Variants in TCF12 observed in about 807,000 individuals in gnomAD.
TCF12 encodes transcription factor 12.
In TCF12, 45 loss-of-function variants were observed where a neutral mutation model predicts 86.0. That is an observed-to-expected ratio of 0.52 (90% CI 0.41 to 0.67). TCF12 has a LOEUF of 0.67. TCF12 is among the 30% of genes least tolerant of loss of function. The probability of loss-of-function intolerance (pLI) is 0.00; values close to 1 mark genes in which losing one functional copy is unlikely to be tolerated. For missense variants in TCF12, 881 were observed against 859.9 expected, an observed-to-expected ratio of 1.02 and a Z score of -0.31; for synonymous variants, 330 against 299.6, an observed-to-expected ratio of 1.10 and a Z score of -1.05.
chr15:56,944,034 G>A (rs2060890927), intron 3 of TCF12, among the ~76,000 whole-genome samples: 1 of 152,128 alleles, frequency 6.6e-6, no homozygotes, highest in African/African-American at 2.4e-5. Flanking sequence ...TTATGAATAT[G>A]AGGTCTTCAT....
At chr15:57,162,237 TA>T (rs36063982) in intron 5 of TCF12, among the ~76,000 whole-genome samples, 36,108 of 146,872 alleles carry the variant, frequency 0.25, 4,889 homozygotes, top group East Asian at 0.41. Flanking sequence ...ATATTTATGT[TA>T]AAAAAAAAAA....
chr15:57,174,811 T>C (rs1441939221), intron 6 of TCF12, among the ~76,000 whole-genome samples: 8 of 152,136 alleles, frequency 5.3e-5, no homozygotes, highest in African/African-American at 1.9e-4. Flanking sequence ...GAGGGAAGAA[T>C]GTAACAGAAG....
At chr15:57,017,995 G>A (rs1408359003) in intron 3 of TCF12, among the ~76,000 whole-genome samples, 1 of 152,132 alleles carries the variant, frequency 6.6e-6, no homozygotes, top group Non-Finnish European at 1.5e-5. Flanking sequence ...CCCAGTGAGG[G>A]TTGAGGTGTT....
At chr15:57,007,792 C>CTTTCTTTCTCTCTT (rs1567241669) in intron 3 of TCF12, among the ~76,000 whole-genome samples, 4 of 52,534 alleles carry the variant, frequency 7.6e-5, no homozygotes, top group African/African-American at 2.1e-4. Flanking sequence ...CTTTCTTTCT[C>CTTTCTTTCTCTCTT]TCTTTCTTTC....
At chr15:57,121,922 C>T (rs930490607) in intron 5 of TCF12, among the ~76,000 whole-genome samples, 19 of 151,966 alleles carry the variant, frequency 1.3e-4, no homozygotes, top group African/African-American at 3.9e-4. Context: ...ACTAGGTTGT[C>T]CTTGCCATAT....
At chr15:57,063,652 G>T in intron 3 of TCF12, 98 bp from the exon 4 acceptor site, 1 of 892,558 alleles carries the variant, frequency 1.1e-6, no homozygotes, top group Non-Finnish European at 1.7e-6. Flanking sequence ...CCACGAAAGC[G>T]CAAATACCAC....
chr15:57,278,129 G>A (rs2061491518), intron 19 of TCF12, among the ~76,000 whole-genome samples: 1 of 151,988 alleles, frequency 6.6e-6, no homozygotes, highest in African/African-American at 2.4e-5. Flanking sequence ...ACCACACCTG[G>A]CTCGTGTATA....
At chr15:57,200,338 C>G (rs2057478243) in intron 8 of TCF12, among the ~76,000 whole-genome samples, 1 of 152,110 alleles carries the variant, frequency 6.6e-6, no homozygotes, top group African/African-American at 2.4e-5. Flanking sequence ...TTTACCTTCT[C>G]AGGATCTAAA....
chr15:57,158,537 AG>A (rs1478367387), intron 5 of TCF12, among the ~76,000 whole-genome samples: 3 of 152,150 alleles, frequency 2.0e-5, no homozygotes, highest in Admixed American at 6.6e-5. Flanking sequence ...TGCTTTTATC[AG>A]GGTAATAGGA....
chr15:57,170,752 TTA>T (rs2055389705), intron 6 of TCF12, among the ~76,000 whole-genome samples: 1 of 35,514 alleles, frequency 2.8e-5, no homozygotes, highest in South Asian at 6.4e-4. Flanking sequence ...ATATTATATA[TTA>T]TATATTATAT....
intron 3 of TCF12, among the ~76,000 whole-genome samples, chr15:57,039,988 G>T (rs1054519608): frequency 6.6e-6 from 1 of 151,888 alleles, no homozygotes; most frequent in African/African-American, 2.4e-5. Context: ...ATTATTTCAG[G>T]CCTCTCTTGA....
chr15:57,186,516 C>T (rs1327272525), intron 6 of TCF12, among the ~76,000 whole-genome samples: 1 of 152,018 alleles, frequency 6.6e-6, no homozygotes, highest in Non-Finnish European at 1.5e-5. Context: ...AAGAAAAGTC[C>T]AGGACCAAAC....
chr15:57,227,222 T>G (rs1305605639), intron 8 of TCF12, among the ~76,000 whole-genome samples: 1 of 152,168 alleles, frequency 6.6e-6, no homozygotes, highest in African/African-American at 2.4e-5. Flanking sequence ...GCAAAACCTC[T>G]GCTTCTTTGC....
chr15:56,940,471 T>C (rs566424519), intron 3 of TCF12, among the ~76,000 whole-genome samples: 14 of 150,740 alleles, frequency 9.3e-5, no homozygotes, highest in African/African-American at 3.2e-4. Flanking sequence ...CTTCCTCTTC[T>C]TCTTCTTCTC....
At chr15:57,057,860 T>G (rs1416556532) in intron 3 of TCF12, among the ~76,000 whole-genome samples, 5 of 152,214 alleles carry the variant, frequency 3.3e-5, no homozygotes, top group African/African-American at 9.7e-5. Flanking sequence ...CATCAACGTT[T>G]TGTTTTTTGT....
chr15:57,007,959 CTG>C (rs1292532965), intron 3 of TCF12, among the ~76,000 whole-genome samples: 1 of 146,826 alleles, frequency 6.8e-6, no homozygotes, highest in Admixed American at 7.0e-5. Flanking sequence ...TTCTTTCTCT[CTG>C]TCTCTCTCTC....
chr15:56,977,500 A>G (rs564748800), intron 3 of TCF12, among the ~76,000 whole-genome samples: 1 of 151,998 alleles, frequency 6.6e-6, no homozygotes, highest in South Asian at 2.1e-4. Flanking sequence ...ACTGCCCTCC[A>G]CTCTGAACGG....
intron 5 of TCF12, among the ~76,000 whole-genome samples, chr15:57,104,136 C>CA (rs1207421783): frequency 2.0e-5 from 3 of 151,568 alleles, no homozygotes; most frequent in African/African-American, 7.3e-5. Context: ...TAAAGAATAT[C>CA]AAAAAGTTAA....
Position 57,262,249 on chromosome 15 carries a change from A to G in TCF12, c.1582+41A>G, listed in dbSNP as rs752019762. The G allele has an allele frequency of 6.6e-6, 9 of 1,371,230 alleles. No homozygotes were observed. In the South Asian group the frequency reaches 7.4e-5, roughly 11 times the overall value. The allele number at this position is 1,371,230 out of a possible 1,614,324, so 84.9% of individuals were successfully genotyped here. On this transcript the variant is annotated intron_variant, in intron 17 of 20. Coordinates refer to ENST00000333725, the MANE Select transcript of TCF12 (RefSeq NM_207037.2). ...GTTTTCAGAAATAATGCAGACAGAG[A>G]TATCATTTGGAACACTGTCACCTTT...
Sources: gnomAD v4.1 joint callset for allele counts (sites outside exome capture counted in the v4.1 genomes callset) on GRCh38, gnomAD v4.1.1 for gene constraint, MANE v1.5 for transcripts, NCBI Gene and HGNC (gene_info 2026-07-23, HGNC 2026-07-21) for gene names.